Variants in IL31RA observed in about 807,000 individuals in gnomAD.
IL31RA encodes interleukin-31 receptor subunit alpha.
In IL31RA, 66 loss-of-function variants were observed where a neutral mutation model predicts 83.7. The ratio of observed to expected loss-of-function variants is 0.79; its 90% CI spans 0.65 to 0.97. IL31RA has a LOEUF of 0.97. Among genes scored for constraint, IL31RA ranks in the 50% least tolerant of loss-of-function variants. IL31RA has a pLI of 0.00. For synonymous variants in IL31RA, 325 were observed against 329.0 expected (o/e 0.99, Z 0.13); for missense variants, 798 against 919.4 (o/e 0.87, Z 1.71).
chr5:55,897,341 C>T (rs1287492035), intron 7 of IL31RA, among the ~76,000 whole-genome samples: 1 of 151,728 alleles, frequency 6.6e-6, no homozygotes, highest in Non-Finnish European at 1.5e-5. Context: ...AGACGCTGGT[C>T]CCCCTCCTCT....
intron 5 of IL31RA, among the ~76,000 whole-genome samples, chr5:55,889,011 G>A (rs967674635): frequency 1.3e-5 from 2 of 152,186 alleles, no homozygotes; most frequent in Non-Finnish European, 2.9e-5. Flanking sequence ...TCCATGGGAC[G>A]ATGCTGTGTG....
chr5:55,917,765 T>TA lies in IL31RA; in HGVS notation c.*651dup, dbSNP rs138605545. ...CCCCAATTTAGACTGCATTGACTAC[T>TA]AAAAAATCAAGGAATGGGGAGGGCC... On this transcript the variant is annotated 3_prime_UTR_variant, in exon 15 of 15. Transcript: ENST00000652347. Among the ~76,000 whole-genome samples, 12,439 of 152,134 alleles carry TA rather than the reference T, an allele frequency of 0.082. 1,465 individuals are homozygous for TA. The highest frequency in any genetic ancestry group is 0.26 in the African/African-American group (10,636 of 41,450).
rs992059547 is a variant in IL31RA, at chr5:55,919,657, T to C, written c.*2537T>C. On this transcript the variant is annotated 3_prime_UTR_variant, in exon 15 of 15. Coordinates refer to ENST00000652347, the MANE Select transcript of IL31RA (RefSeq NM_139017.7). Reference sequence around the variant, plus strand: ...CCTTTGATCATTTTCCATGGTTTTATTACCTTTGAGGGGTGGGAAGATGGT... The same window carrying C: ...CCTTTGATCATTTTCCATGGTTTTACTACCTTTGAGGGGTGGGAAGATGGT... Among the ~76,000 whole-genome samples the C allele has an allele frequency of 6.6e-6, 1 of 152,216 alleles. No individual in the cohort carries two copies. Among genetic ancestry groups the C allele is most frequent in the African/African-American group, 2.4e-5 (1 of 41,456 alleles).
chr5:55,855,403 A>G (rs1023550619), intron 1 of IL31RA, among the ~76,000 whole-genome samples: 7 of 152,088 alleles, frequency 4.6e-5, no homozygotes, highest in African/African-American at 1.7e-4. Flanking sequence ...TTCTTTAAAA[A>G]CCCAGTTCTA....
chr5:55,896,474 C>T lies in IL31RA; in HGVS notation c.852+45C>T, dbSNP rs753294198. The T allele has an allele frequency of 8.9e-6, 11 of 1,240,876 alleles. No homozygotes were observed. The Admixed American group carries it at 1.9e-4, about 21-fold the overall frequency. 76.9% of individuals were successfully genotyped at this position (1,240,876 alleles called of 1,614,324 possible). On this transcript the variant is annotated intron_variant, in intron 7 of 14. Transcript: ENST00000652347. The stretch of plus-strand genomic sequence containing the variant: ...TTTTTCTCTCTCTTTCTTCCCCTTC[C>T]CTCCTTTCCCTCCCTTCCCTCCCTT...
rs1748720836 is a variant in IL31RA at position 55,900,095 on chromosome 5, A to T, written c.1032A>T (p.Pro344=). Residue 344 remains proline (P), a synonymous_variant, in exon 8 of 15, where the codon CCA becomes CCT. Coordinates refer to ENST00000652347, the MANE Select transcript of IL31RA (RefSeq NM_139017.7). The part of the protein sequence containing the change: ...MISYNSLGKS[P]VATLRIPAIQ... ...CTTATAATTCTCTTGGGAAGTCTCC[A>T]GTGGCCACCCTGAGGATTCCAGCTA... is the stretch of plus-strand genomic sequence containing the variant. 1 of 1,614,122 alleles carries T rather than the reference A, an allele frequency of 6.2e-7. No individual in the cohort carries two copies. The highest frequency in any genetic ancestry group is 1.3e-5 in the African/African-American group (1 of 75,060).
rs778417481 is a variant in IL31RA at position 55,900,001 on chromosome 5, C to T, written c.938C>T (p.Thr313Ile). The change falls in exon 8 of 15, where the codon ACA (threonine) becomes ATA (isoleucine). Residue 313 changes from threonine (T) to isoleucine (I), a missense_variant. Thr to Ile is a moderately conservative substitution (Grantham distance 89). Transcript: ENST00000652347. Reference sequence around the variant, plus strand: ...GAAAGCAACACTAACCTCACAGAAACAATGAACACTACTAACCAGCAGCTT... The same window carrying T: ...GAAAGCAACACTAACCTCACAGAAATAATGAACACTACTAACCAGCAGCTT... Reference protein sequence around the residue: ...YPESNTNLTETMNTTNQQLEL... With the variant: ...YPESNTNLTEIMNTTNQQLEL... 6 of 1,614,040 alleles carry T rather than the reference C, an allele frequency of 3.7e-6. No individual in the cohort carries two copies. In the South Asian group the frequency reaches 6.6e-5, roughly 18 times the overall value.
At chr5:55,887,839 C>T (rs559984346) in intron 5 of IL31RA, among the ~76,000 whole-genome samples, 14 of 151,644 alleles carry the variant, frequency 9.2e-5, no homozygotes, top group Admixed American at 1.3e-4. Context: ...GAGCCGAGAT[C>T]GCCACCGTAC....
chr5:55,895,271 C>G (rs1748261127), intron 6 of IL31RA, among the ~76,000 whole-genome samples: 1 of 152,206 alleles, frequency 6.6e-6, no homozygotes, highest in Non-Finnish European at 1.5e-5. Context: ...GTTTAGAACT[C>G]TCTGCTTTCC....
the IL31RA span, among the ~76,000 whole-genome samples, chr5:55,844,038 T>C: frequency 2.6e-5 from 4 of 152,090 alleles, no homozygotes; most frequent in African/African-American, 4.8e-5. Flanking sequence ...TTTAGAATCA[T>C]GGGGTACATG....
chr5:55,884,473 T>C (rs1268732150), intron 5 of IL31RA, among the ~76,000 whole-genome samples: 1 of 152,200 alleles, frequency 6.6e-6, no homozygotes, highest in Non-Finnish European at 1.5e-5. Flanking sequence ...CTCACTCTGT[T>C]ACCCAGGCTG....
rs1749807182 is a variant in IL31RA at position 55,916,735 on chromosome 5, T to C, written c.1910T>C (p.Ile637Thr). ...TCCACCCCCAGTGACAAGTTGGTGA[T>C]TGACAAGTTGGTGGTGAACTTTGGG... is the stretch of plus-strand genomic sequence containing the variant. ...PCSTPSDKLV[I>T]DKLVVNFGNV... Residue 637 changes from isoleucine to threonine, a missense_variant, in exon 15 of 15, where the codon ATT becomes ACT. Ile to Thr is a moderately conservative substitution (Grantham distance 89, BLOSUM62 -1). Transcript: ENST00000652347. 1 of 1,614,072 alleles carries C rather than the reference T, an allele frequency of 6.2e-7. No homozygotes were observed.
At chr5:55,871,748 C>T (rs556141913) in intron 3 of IL31RA, among the ~76,000 whole-genome samples, 1 of 151,818 alleles carries the variant, frequency 6.6e-6, no homozygotes, top group African/African-American at 2.4e-5. Flanking sequence ...TCATTCTATA[C>T]ATGATATGCA....
intron 4 of IL31RA, among the ~76,000 whole-genome samples, chr5:55,878,734 A>G (rs1580688031): frequency 6.6e-6 from 1 of 151,060 alleles, no homozygotes; most frequent in African/African-American, 2.4e-5. Context: ...GCTCATGGCA[A>G]CCTCCCCTTC....
At position 55,883,086 on chromosome 5, in the gene IL31RA, T is replaced by C; in HGVS notation, c.497T>C (p.Leu166Ser). Residue 166 changes from leucine to serine, a missense_variant, in exon 5 of 15, where the codon TTG becomes TCG. By Grantham distance (145) the Leu-to-Ser change is moderately radical (BLOSUM62 -2). Coordinates refer to ENST00000652347, the MANE Select transcript of IL31RA (RefSeq NM_139017.7). ...PPKIFRVKPV[L>S]GIKRMIQIEW... ...AAGATTTTCCGTGTGAAACCAGTTTTGGGCATCAAACGAATGATTCAAATT... is the reference window on the plus strand; with the variant it reads ...AAGATTTTCCGTGTGAAACCAGTTTCGGGCATCAAACGAATGATTCAAATT... 4 of 1,614,108 alleles carry C rather than the reference T, an allele frequency of 2.5e-6. No individual in the cohort carries two copies. The highest frequency in any genetic ancestry group is 3.4e-6 in the Non-Finnish European group (4 of 1,179,958).
At chr5:55,847,239 A>ATG (rs372606558), upstream of IL31RA, among the ~76,000 whole-genome samples, 1,097 of 17,334 alleles carry the variant, frequency 0.063, 26 homozygotes, top group African/African-American at 0.14. Flanking sequence ...AAAAAAAAAA[A>ATG]AATAAAAATA....
chr5:55,885,521 G>T (rs891325557), intron 5 of IL31RA, among the ~76,000 whole-genome samples: 2 of 152,198 alleles, frequency 1.3e-5, no homozygotes. Flanking sequence ...TGCACAAAGC[G>T]TGAACTTCCC....
Position 55,911,086 on chromosome 5 carries a change from G to C in IL31RA, c.1642+414G>C, listed in dbSNP as rs111976852. On this transcript the variant is annotated intron_variant, in intron 12 of 14. Transcript: ENST00000652347. The stretch of plus-strand genomic sequence containing the variant: ...ACGCTGCTGATAAAGACATACCCGG[G>C]ACTGGGTAATTTATAAAGAAAAAGA... 9.7e-3 allele frequency among the ~76,000 whole-genome samples: 1,477 copies of C among 152,280 alleles called. 25 individuals are homozygous for C. Among genetic ancestry groups the C allele is most frequent in the African/African-American group, 0.034 (1,400 of 41,546 alleles).
intron 2 of IL31RA, among the ~76,000 whole-genome samples, chr5:55,866,998 G>C (rs1214295748): frequency 6.6e-6 from 1 of 151,962 alleles, no homozygotes; most frequent in Non-Finnish European, 1.5e-5. Flanking sequence ...CTTTCCAGAG[G>C]CTCAACAAAG....
Sources: allele counts gnomAD v4.1 joint callset (sites outside exome capture counted in the v4.1 genomes callset), GRCh38; gene constraint gnomAD v4.1.1; transcripts MANE v1.5; gene names NCBI Gene and HGNC (gene_info 2026-07-23, HGNC 2026-07-21).